STRN3: variants seen among roughly 807,000 people sequenced by gnomAD.
STRN3 encodes striatin 3.
STRN3 carries 29 observed loss-of-function variants against 95.6 expected under a neutral mutation model. The ratio of observed to expected loss-of-function variants is 0.30; its 90% CI spans 0.23 to 0.41. The LOEUF (loss-of-function observed/expected upper bound fraction) is 0.41, where lower values mean the gene tolerates loss of function less well. STRN3 is among the 10% of genes least tolerant of loss of function. The pLI, the probability that STRN3 is intolerant of heterozygous loss-of-function variation, is 1.00. For missense variants in STRN3, 890 were observed against 972.1 expected, an observed-to-expected ratio of 0.92 and a Z score of 1.12; for synonymous variants, 331 against 357.6, an observed-to-expected ratio of 0.93 and a Z score of 0.84.
chr14:30,980,888 C>T (rs745854329), intron 1 of STRN3, among the ~76,000 whole-genome samples: 2 of 151,802 alleles, frequency 1.3e-5, no homozygotes, highest in African/African-American at 4.8e-5. Context: ...AACTGCAACA[C>T]CACTCAGAAG....
At chr14:30,956,299 TG>T in intron 1 of STRN3, 57 bp from the exon 2 acceptor site, 2 of 1,501,616 alleles carry the variant, frequency 1.3e-6, no homozygotes, top group South Asian at 2.3e-5. Flanking sequence ...CATAGGAAAC[TG>T]AAAAATGGAA....
At chr14:30,957,765 C>T in intron 1 of STRN3, among the ~76,000 whole-genome samples, 1 of 152,194 alleles carries the variant, frequency 6.6e-6, no homozygotes, top group East Asian at 1.9e-4. Context: ...TTGAAAGAGA[C>T]TGGCATCTGT....
intron 3 of STRN3, among the ~76,000 whole-genome samples, chr14:30,952,101 G>C (rs1879672045): frequency 2.7e-5 from 4 of 147,840 alleles, no homozygotes; most frequent in Admixed American, 1.4e-4. Flanking sequence ...CTGGGCGACA[G>C]AGCGAGACCC....
At chr14:30,969,356 G>T (rs1259657894) in intron 1 of STRN3, among the ~76,000 whole-genome samples, 3 of 151,932 alleles carry the variant, frequency 2.0e-5, no homozygotes, top group African/African-American at 7.3e-5. Flanking sequence ...AGAATGGCGT[G>T]AACCCGGGAG....
At chr14:31,009,971 C>T (rs996824319) in intron 1 of STRN3, among the ~76,000 whole-genome samples, 6 of 151,930 alleles carry the variant, frequency 3.9e-5, no homozygotes, top group Admixed American at 3.9e-4. Flanking sequence ...GGCATGATGG[C>T]GTATGCCTCT....
intron 16 of STRN3, among the ~76,000 whole-genome samples, chr14:30,897,589 A>G (rs1896192843): frequency 6.6e-6 from 1 of 152,224 alleles, no homozygotes; most frequent in Non-Finnish European, 1.5e-5. Context: ...CGTCTCAAAA[A>G]AGAAGAAAAG....
intron 1 of STRN3, among the ~76,000 whole-genome samples, chr14:30,975,548 A>AG (rs1268108826): frequency 7.9e-6 from 1 of 125,838 alleles, no homozygotes; most frequent in Non-Finnish European, 1.8e-5. Context: ...TACTGAAAAA[A>AG]AAAAAAAAAG....
intron 16 of STRN3, among the ~76,000 whole-genome samples, chr14:30,898,754 AT>A: frequency 6.6e-6 from 1 of 152,094 alleles, no homozygotes; most frequent in Middle Eastern, 3.4e-3. Context: ...ACTAATCCTA[AT>A]TTTTTCCTCT....
intron 1 of STRN3, among the ~76,000 whole-genome samples, chr14:30,961,179 T>C (rs773856036): frequency 4.6e-5 from 7 of 152,148 alleles, no homozygotes; most frequent in Non-Finnish European, 1.0e-4. Flanking sequence ...AAACTAAAAA[T>C]GTTTTTTAAA....
At chr14:30,956,342 A>G in intron 1 of STRN3, 100 bp from the exon 2 acceptor site, 1 of 1,092,548 alleles carries the variant, frequency 9.2e-7, no homozygotes, top group Admixed American at 2.1e-5. Context: ...CACTTGACTC[A>G]TGATATCAAG....
At chr14:30,996,850 A>T (rs1882222403) in intron 1 of STRN3, among the ~76,000 whole-genome samples, 1 of 151,730 alleles carries the variant, frequency 6.6e-6, no homozygotes, top group African/African-American at 2.4e-5. Flanking sequence ...TGGGTGACAG[A>T]GCGAGACTCC....
intron 1 of STRN3, among the ~76,000 whole-genome samples, chr14:30,986,684 A>G (rs1204183716): frequency 1.3e-5 from 2 of 152,236 alleles, no homozygotes; most frequent in African/African-American, 4.8e-5. Flanking sequence ...GTGCCAGCTA[A>G]TACTTATTGA....
rs760773811 is a variant in STRN3, at chr14:30,911,791, T to A, written c.1584A>T (p.Thr528=). Residue 528 remains threonine, a synonymous_variant, in exon 12 of 18, where the codon ACA becomes ACT. Coordinates refer to ENST00000357479, the MANE Select transcript of STRN3 (RefSeq NM_001083893.2). ...SASLDVEPIY[T]FRAHIGPVLS... ...GTAAAACTTACATGTGGGCCCTAAA[T>A]GTGTAGATAGGCTCTACATCTAAAG... The A allele has an allele frequency of 6.2e-7, 1 of 1,608,128 alleles. No individual in the cohort carries two copies. The highest frequency in any genetic ancestry group is 2.2e-5 in the East Asian group (1 of 44,752).
At chr14:30,976,333 T>C (rs1202027514) in intron 1 of STRN3, among the ~76,000 whole-genome samples, 1 of 152,206 alleles carries the variant, frequency 6.6e-6, no homozygotes, top group Non-Finnish European at 1.5e-5. Context: ...GGATATTACA[T>C]AATGAAAGAG....
chr14:31,020,283 G>C (rs1281460868), intron 1 of STRN3, among the ~76,000 whole-genome samples: 1 of 152,062 alleles, frequency 6.6e-6, no homozygotes, highest in Admixed American at 6.6e-5. Flanking sequence ...CGGATTACTT[G>C]AGGTCAGGAG....
intron 6 of STRN3, among the ~76,000 whole-genome samples, chr14:30,936,131 G>A (rs1878805988): frequency 6.6e-6 from 1 of 152,194 alleles, no homozygotes; most frequent in East Asian, 1.9e-4. Context: ...CCCTCACCCA[G>A]GGTGGAAGTA....
At chr14:30,900,519 C>G (rs971750325) in intron 16 of STRN3, among the ~76,000 whole-genome samples, 1 of 149,292 alleles carries the variant, frequency 6.7e-6, no homozygotes, top group Non-Finnish European at 1.5e-5. Context: ...GAGACTGAGG[C>G]GGGTAGATCA....
chr14:30,977,910 G>A (rs58609573), intron 1 of STRN3, among the ~76,000 whole-genome samples: 1 of 150,756 alleles, frequency 6.6e-6, no homozygotes, highest in Non-Finnish European at 1.5e-5. Context: ...TGATAACTAA[G>A]ATGAAGTGGA....
chr14:31,020,096 T>C (rs1883432921), intron 1 of STRN3, among the ~76,000 whole-genome samples: 1 of 152,182 alleles, frequency 6.6e-6, no homozygotes, highest in African/African-American at 2.4e-5. Flanking sequence ...ACTGGCATGT[T>C]CTTTGTACAA....
Sources: gnomAD v4.1 joint callset for allele counts (sites outside exome capture counted in the v4.1 genomes callset) on GRCh38, gnomAD v4.1.1 for gene constraint, MANE v1.5 for transcripts, NCBI Gene and HGNC (gene_info 2026-07-23, HGNC 2026-07-21) for gene names.